KCNT2: variants seen among roughly 807,000 people sequenced by gnomAD.
KCNT2 encodes the protein potassium channel subfamily T member 2.
Under a neutral mutation model 153.8 loss-of-function variants are expected in KCNT2, and 67 were observed. That is an observed-to-expected ratio of 0.44 (90% confidence interval 0.36 to 0.53). The LOEUF is 0.53. Ranked by LOEUF, KCNT2 falls within the 20% of genes least tolerant of loss-of-function variation. KCNT2 has a pLI of 0.00. For synonymous variants in KCNT2, 500 were observed against 458.8 expected (o/e 1.09, Z -1.15); for missense variants, 975 against 1,354.8 (o/e 0.72, Z 4.40).
chr1:196,468,350 C>A (rs1257303292), intron 6 of KCNT2, among the ~76,000 whole-genome samples: 3 of 151,996 alleles, frequency 2.0e-5, no homozygotes, highest in African/African-American at 7.2e-5. Context: ...TTTTCAAAAT[C>A]CTCCAAATAA....
At chr1:196,271,719 CATT>C (rs1658080128) in intron 25 of KCNT2, among the ~76,000 whole-genome samples, 1 of 151,854 alleles carries the variant, frequency 6.6e-6, no homozygotes, top group Admixed American at 6.6e-5. Context: ...AGCTCAGACT[CATT>C]ATGTCTGCGA....
At chr1:196,498,342 C>T (rs1163824510) in intron 1 of KCNT2, among the ~76,000 whole-genome samples, 4 of 152,086 alleles carry the variant, frequency 2.6e-5, no homozygotes, top group African/African-American at 9.7e-5. Flanking sequence ...TGTGGATAGT[C>T]TCTTTTAAAT....
chr1:196,479,336 T>C (rs1460558721), intron 4 of KCNT2, 98 bp from the exon 5 acceptor site: 2 of 686,262 alleles, frequency 2.9e-6, no homozygotes, highest in Non-Finnish European at 5.1e-6. Flanking sequence ...TATGTGCATG[T>C]ATACATATAT....
chr1:196,271,103 A>G (rs1658024218), intron 25 of KCNT2, among the ~76,000 whole-genome samples: 1 of 151,926 alleles, frequency 6.6e-6, no homozygotes, highest in South Asian at 2.1e-4. Context: ...CTGAGAACCA[A>G]TGGATAAATA....
At chr1:196,426,926 G>A (rs956987176) in intron 10 of KCNT2, among the ~76,000 whole-genome samples, 1 of 151,818 alleles carries the variant, frequency 6.6e-6, no homozygotes, top group South Asian at 2.1e-4. Context: ...CGCATTACAC[G>A]TGACCATAAG....
chr1:196,442,248 C>G lies in KCNT2; in HGVS notation c.639-12491G>C, dbSNP rs1296464316. ...CCTGGTACTTAATCACTTTACCTTT[C>G]TACTAATAAATGAGAACACTTTCAA... On this transcript the variant is annotated intron_variant, in intron 8 of 27. Transcript: ENST00000294725. Among the ~76,000 whole-genome samples, 6 of 151,804 alleles carry G rather than the reference C, an allele frequency of 4.0e-5. No homozygotes were observed. In the Admixed American group the frequency reaches 4.0e-4, roughly 10 times the overall value.
At chr1:196,390,312 TAGACATTGAA>T (rs1483369973) in intron 13 of KCNT2, among the ~76,000 whole-genome samples, 1 of 151,596 alleles carries the variant, frequency 6.6e-6, no homozygotes, top group Non-Finnish European at 1.5e-5. Context: ...TGGTGTTAAA[TAGACATTGAA>T]ATGACTATGA....
At chr1:196,407,873 C>T (rs1305066441) in intron 12 of KCNT2, among the ~76,000 whole-genome samples, 1 of 150,932 alleles carries the variant, frequency 6.6e-6, no homozygotes, top group Non-Finnish European at 1.5e-5. Context: ...AGAGTTACAA[C>T]TTTAAAGCCT....
intron 25 of KCNT2, among the ~76,000 whole-genome samples, chr1:196,278,903 G>A (rs1658828400): frequency 6.6e-6 from 1 of 152,150 alleles, no homozygotes; most frequent in South Asian, 2.1e-4. Flanking sequence ...GTGGGGCTTT[G>A]GGAAGGTGAT....
At chr1:196,355,903 T>A (rs1667134874) in intron 14 of KCNT2, among the ~76,000 whole-genome samples, 1 of 151,804 alleles carries the variant, frequency 6.6e-6, no homozygotes, top group African/African-American at 2.4e-5. Flanking sequence ...GATCACAGCC[T>A]GCTTGCTTAG....
intron 1 of KCNT2, among the ~76,000 whole-genome samples, chr1:196,600,447 C>A (rs866242695): frequency 6.6e-6 from 1 of 152,100 alleles, no homozygotes; most frequent in Non-Finnish European, 1.5e-5. Flanking sequence ...ATTACATGAG[C>A]GTTTAATTAA....
chr1:196,386,229 A>G (rs757543312), intron 13 of KCNT2, among the ~76,000 whole-genome samples: 15 of 152,176 alleles, frequency 9.9e-5, no homozygotes, highest in Non-Finnish European at 1.8e-4. Context: ...GATAACTGCA[A>G]CTACACTAAA....
intron 25 of KCNT2, among the ~76,000 whole-genome samples, chr1:196,271,806 T>C (rs766423796): frequency 9.2e-5 from 14 of 152,088 alleles, no homozygotes; most frequent in Middle Eastern, 3.4e-3. Context: ...GCTTGACTAA[T>C]ATGAAAGTAC....
intron 8 of KCNT2, among the ~76,000 whole-genome samples, chr1:196,461,094 T>G (rs1677110333): frequency 6.6e-6 from 1 of 151,778 alleles, no homozygotes; most frequent in Non-Finnish European, 1.5e-5. Flanking sequence ...TAGACCATGT[T>G]GTAATTCTTC....
intron 22 of KCNT2, among the ~76,000 whole-genome samples, chr1:196,296,424 G>A (rs146906340): frequency 4.4e-4 from 67 of 151,828 alleles, no homozygotes; most frequent in Non-Finnish European, 7.1e-4. Flanking sequence ...ATAAGTATAC[G>A]GAGACTATAA....
chr1:196,447,223 G>A (rs1007632228), intron 8 of KCNT2, among the ~76,000 whole-genome samples: 15 of 151,406 alleles, frequency 9.9e-5, no homozygotes, highest in South Asian at 2.1e-4. Context: ...GCAAATGATC[G>A]AAAATAATGG....
intron 26 of KCNT2, among the ~76,000 whole-genome samples, chr1:196,256,378 T>C (rs1009015277): frequency 2.7e-4 from 41 of 152,136 alleles, no homozygotes; most frequent in Admixed American, 2.0e-4. Flanking sequence ...CTGTGGTCCA[T>C]GACAGCATTT....
chr1:196,435,137 A>G (rs111932794), intron 8 of KCNT2, among the ~76,000 whole-genome samples: 9,650 of 50,518 alleles, frequency 0.19, 664 homozygotes, highest in Non-Finnish European at 0.27. Flanking sequence ...GTGTGTGTGT[A>G]TGTATATATA....
At chr1:196,364,601 C>G (rs1274111147) in intron 14 of KCNT2, among the ~76,000 whole-genome samples, 4 of 152,052 alleles carry the variant, frequency 2.6e-5, no homozygotes, top group African/African-American at 9.7e-5. Flanking sequence ...TGATAGAAAA[C>G]TGAATAAAAC....
Sources: allele counts gnomAD v4.1 joint callset (sites outside exome capture counted in the v4.1 genomes callset), GRCh38; gene constraint gnomAD v4.1.1; transcripts MANE v1.5; gene names NCBI Gene and HGNC (gene_info 2026-07-23, HGNC 2026-07-21).